The following SLCO3A1 variants were observed in gnomAD, a reference collection of about 807,000 sequenced individuals.
The protein encoded by SLCO3A1 is solute carrier organic anion transporter family member 3A1, also known as PGE1 transporter.
Under a neutral mutation model 63.1 loss-of-function variants are expected in SLCO3A1, and 27 were observed. The ratio of observed to expected loss-of-function variants is 0.43; its 90% CI spans 0.32 to 0.59. The LOEUF is 0.59. Ranked by LOEUF, SLCO3A1 falls within the 20% of genes least tolerant of loss-of-function variation. The pLI, the probability that SLCO3A1 is intolerant of heterozygous loss-of-function variation, is 0.09. For synonymous variants in SLCO3A1, 473 were observed against 409.9 expected (o/e 1.15, Z -1.86); for missense variants, 773 against 945.8 (o/e 0.82, Z 2.40).
intron 2 of SLCO3A1, among the ~76,000 whole-genome samples, chr15:92,069,921 A>C (rs867757768): frequency 2.7e-4 from 41 of 152,354 alleles, no homozygotes; most frequent in African/African-American, 9.4e-4. Flanking sequence ...GACTTGCTGC[A>C]GTAACTTTTA....
At chr15:91,922,215 A>T (rs1021119881) in intron 2 of SLCO3A1, among the ~76,000 whole-genome samples, 4 of 85,356 alleles carry the variant, frequency 4.7e-5, no homozygotes, top group Non-Finnish European at 1.1e-4. Flanking sequence ...CACACGGCAC[A>T]GAGACAGGCT....
intron 2 of SLCO3A1, among the ~76,000 whole-genome samples, chr15:91,956,109 C>T (rs1460334942): frequency 6.6e-6 from 1 of 152,040 alleles, no homozygotes; most frequent in African/African-American, 2.4e-5. Context: ...TGGGCGTGCA[C>T]TGGGGTCAGA....
intron 2 of SLCO3A1, among the ~76,000 whole-genome samples, chr15:92,045,411 G>A (rs2046849333): frequency 6.6e-6 from 1 of 151,954 alleles, no homozygotes. Context: ...ATTATAATGT[G>A]TATGGATCCT....
In SLCO3A1 at chr15:92,126,179, C is replaced by T. The variant is rs765423347; in HGVS notation, c.1293C>T (p.Ser431=). 40 of 1,613,888 alleles carry T rather than the reference C, an allele frequency of 2.5e-5. No homozygotes were observed. In the East Asian group the frequency reaches 8.0e-4, roughly 32 times the overall value. The part of the protein sequence containing the change: ...IRMAMLVNLV[S]TACYVSFLFL... Reference sequence around the variant, plus strand: ...TGGCCATGCTCGTCAACCTGGTGTCCACTGCTTGCTACGTCTCCTTCCTCT... The same window carrying T: ...TGGCCATGCTCGTCAACCTGGTGTCTACTGCTTGCTACGTCTCCTTCCTCT... Residue 431 remains serine, a synonymous_variant, in exon 6 of 10, where the codon TCC becomes TCT. Transcript: ENST00000318445.
At chr15:92,076,450 A>G (rs1163736963) in intron 2 of SLCO3A1, among the ~76,000 whole-genome samples, 1 of 152,120 alleles carries the variant, frequency 6.6e-6, no homozygotes, top group African/African-American at 2.4e-5. Context: ...TTTCTGCTTT[A>G]TCCTGGAACC....
chr15:91,955,788 C>A (rs1017598549), intron 2 of SLCO3A1, among the ~76,000 whole-genome samples: 1 of 152,138 alleles, frequency 6.6e-6, no homozygotes, highest in Non-Finnish European at 1.5e-5. Flanking sequence ...AATAAAGAAA[C>A]AAGTAATTGG....
chr15:91,961,791 C>T (rs1309172144), intron 2 of SLCO3A1, among the ~76,000 whole-genome samples: 2 of 152,218 alleles, frequency 1.3e-5, no homozygotes, highest in African/African-American at 2.4e-5. Flanking sequence ...TACTTATTGT[C>T]ATTCCTCACC....
intron 2 of SLCO3A1, among the ~76,000 whole-genome samples, chr15:92,048,096 A>G: frequency 6.6e-6 from 1 of 152,092 alleles, no homozygotes; most frequent in Non-Finnish European, 1.5e-5. Flanking sequence ...ACTTCTCCAT[A>G]GGAACTGCTT....
intron 6 of SLCO3A1, among the ~76,000 whole-genome samples, chr15:92,127,780 A>G (rs1176408842): frequency 6.6e-6 from 1 of 152,194 alleles, no homozygotes; most frequent in Non-Finnish European, 1.5e-5. Flanking sequence ...CAATTAGACA[A>G]TAATTATTGA....
chr15:92,001,572 C>G (rs1363199442), intron 2 of SLCO3A1, among the ~76,000 whole-genome samples: 1 of 152,184 alleles, frequency 6.6e-6, no homozygotes, highest in African/African-American at 2.4e-5. Context: ...CACTTAAATG[C>G]TGGTTCAGCT....
At chr15:92,011,622 T>C (rs1030170118) in intron 2 of SLCO3A1, among the ~76,000 whole-genome samples, 1 of 152,236 alleles carries the variant, frequency 6.6e-6, no homozygotes, top group South Asian at 2.1e-4. Context: ...CCTTGCTTTT[T>C]AACCCCCTTG....
At chr15:91,955,152 T>C (rs1213722833) in intron 2 of SLCO3A1, among the ~76,000 whole-genome samples, 1 of 152,110 alleles carries the variant, frequency 6.6e-6, no homozygotes, top group African/African-American at 2.4e-5. Context: ...CCCTGTGGGC[T>C]TGGTCCTGTT....
chr15:92,043,311 ACT>A (rs1433284284), intron 2 of SLCO3A1, among the ~76,000 whole-genome samples: 1 of 152,078 alleles, frequency 6.6e-6, no homozygotes, highest in African/African-American at 2.4e-5. Context: ...GATTATAGAC[ACT>A]CTGTCTCTTT....
chr15:92,056,454 G>A (rs1324948041), intron 2 of SLCO3A1, among the ~76,000 whole-genome samples: 4 of 152,170 alleles, frequency 2.6e-5, no homozygotes, highest in Non-Finnish European at 2.9e-5. Context: ...TCCCTGCCAC[G>A]CTTCTATATC....
At chr15:92,056,790 A>T (rs903163136) in intron 2 of SLCO3A1, among the ~76,000 whole-genome samples, 1 of 152,178 alleles carries the variant, frequency 6.6e-6, no homozygotes, top group Non-Finnish European at 1.5e-5. Flanking sequence ...GGTAGGGTTT[A>T]TGGGAGTACC....
chr15:92,095,189 C>T (rs2047523671), intron 3 of SLCO3A1, among the ~76,000 whole-genome samples: 1 of 152,182 alleles, frequency 6.6e-6, no homozygotes, highest in South Asian at 2.1e-4. Flanking sequence ...CCAACATCTA[C>T]CTAGAGGCTG....
chr15:91,956,311 T>C (rs1900176790), intron 2 of SLCO3A1, among the ~76,000 whole-genome samples: 1 of 152,124 alleles, frequency 6.6e-6, no homozygotes, highest in Admixed American at 6.5e-5. Flanking sequence ...TGATGCGAAA[T>C]GGGCTGTGAG....
chr15:91,997,755 G>T (rs2046208832), intron 2 of SLCO3A1, among the ~76,000 whole-genome samples: 1 of 152,166 alleles, frequency 6.6e-6, no homozygotes, highest in Non-Finnish European at 1.5e-5. Flanking sequence ...AATAAGCAAT[G>T]GGTAAAGGAC....
chr15:92,083,103 A>G (rs2047366056), intron 2 of SLCO3A1, among the ~76,000 whole-genome samples: 1 of 152,198 alleles, frequency 6.6e-6, no homozygotes, highest in African/African-American at 2.4e-5. Context: ...TACTTTTATA[A>G]TCAGACGAAA....
Sources: allele counts gnomAD v4.1 joint callset (sites outside exome capture counted in the v4.1 genomes callset), GRCh38; gene constraint gnomAD v4.1.1; transcripts MANE v1.5; gene names NCBI Gene and HGNC (gene_info 2026-07-23, HGNC 2026-07-21).